Variants in GRIA1 observed in about 807,000 individuals in gnomAD.
GRIA1 encodes glutamate receptor 1.
GRIA1 carries 31 observed loss-of-function variants against 99.2 expected under a neutral mutation model. The observed-to-expected ratio is 0.31, with a 90% CI of 0.23 to 0.42. GRIA1 has a LOEUF of 0.42. GRIA1 is among the 10% of genes least tolerant of loss of function. The pLI is 1.00. For synonymous variants in GRIA1, 438 were observed against 432.4 expected (o/e 1.01, Z -0.16); for missense variants, 782 against 1,157.5 (o/e 0.68, Z 4.71).
chr5:153,664,431 C>T (rs1755597523), intron 5 of GRIA1, among the ~76,000 whole-genome samples: 1 of 152,018 alleles, frequency 6.6e-6, no homozygotes. Flanking sequence ...GGGCAGTAAC[C>T]CTCTGTGGCT....
intron 2 of GRIA1, among the ~76,000 whole-genome samples, chr5:153,599,044 G>A (rs1278921500): frequency 6.6e-6 from 1 of 152,062 alleles, no homozygotes; most frequent in Non-Finnish European, 1.5e-5. Flanking sequence ...ACCACGCCTG[G>A]CTAGTTTTTT....
At chr5:153,672,567 T>G (rs1453774948) in intron 5 of GRIA1, among the ~76,000 whole-genome samples, 3 of 148,542 alleles carry the variant, frequency 2.0e-5, no homozygotes, top group African/African-American at 7.5e-5. Context: ...TTGCTTTGTT[T>G]ATAAAAATAG....
intron 2 of GRIA1, among the ~76,000 whole-genome samples, chr5:153,543,031 T>G (rs1759275149): frequency 6.6e-6 from 1 of 152,222 alleles, no homozygotes; most frequent in South Asian, 2.1e-4. Context: ...CATAAAGCAA[T>G]TAGCATAGAG....
intron 2 of GRIA1, among the ~76,000 whole-genome samples, chr5:153,612,581 C>T (rs183567980): frequency 6.6e-6 from 1 of 152,328 alleles, no homozygotes; most frequent in East Asian, 1.9e-4. Flanking sequence ...ATGGCAACTG[C>T]TGTTATCAGC....
At chr5:153,655,791 A>C in intron 4 of GRIA1, 28 bp from the exon 5 acceptor site, 1 of 1,602,274 alleles carries the variant, frequency 6.2e-7, no homozygotes, top group Non-Finnish European at 8.5e-7. Context: ...AGTATGATTA[A>C]TGAGTCTCCA....
At chr5:153,546,557 G>A (rs1759633710) in intron 2 of GRIA1, among the ~76,000 whole-genome samples, 1 of 152,136 alleles carries the variant, frequency 6.6e-6, no homozygotes, top group Non-Finnish European at 1.5e-5. Flanking sequence ...GGCTCCACAA[G>A]CATCATCTCA....
At position 153,803,845 on chromosome 5, in the gene GRIA1, C is replaced by G. The variant is rs1418771686; in HGVS notation, c.2520+1355C>G. On this transcript the variant is annotated intron_variant, in intron 15 of 15. Coordinates refer to ENST00000285900, the MANE Select transcript of GRIA1 (RefSeq NM_000827.4). ...CCAGCCTCTCCCTGCCTTGGACCCT[C>G]AATCCTACACACACCTCCGGGGTCG... Among the ~76,000 whole-genome samples, 10 of 152,138 alleles carry G rather than the reference C, an allele frequency of 6.6e-5. 1 individual carries two copies. In the East Asian group the frequency reaches 1.7e-3, roughly 26 times the overall value.
At chr5:153,498,562 G>A (rs1754662005) in intron 2 of GRIA1, among the ~76,000 whole-genome samples, 1 of 152,132 alleles carries the variant, frequency 6.6e-6, no homozygotes, top group African/African-American at 2.4e-5. Context: ...GACCTACTGG[G>A]GAAGCCCAGG....
At chr5:153,759,145 A>C (rs1361490347) in intron 11 of GRIA1, among the ~76,000 whole-genome samples, 1 of 150,496 alleles carries the variant, frequency 6.6e-6, no homozygotes, top group Non-Finnish European at 1.5e-5. Flanking sequence ...TTAACAACCT[A>C]GCATTGAACT....
rs1005792337 is a variant in GRIA1, at chr5:153,490,801, G to A, written c.-88G>A. On this transcript the variant is annotated 5_prime_UTR_variant, in exon 1 of 16. Coordinates refer to ENST00000285900, the MANE Select transcript of GRIA1 (RefSeq NM_000827.4). The stretch of plus-strand genomic sequence containing the variant: ...AACTGCAGGAGGAAAAGAACAGGCA[G>A]AACAGCGAGAAGAATAAAGGGAAAG... 14 of 957,626 alleles carry A rather than the reference G, an allele frequency of 1.5e-5. No individual in the cohort carries two copies. The Admixed American group carries it at 2.0e-4, about 14-fold the overall frequency. The allele number at this position is 957,626 out of a possible 1,614,324, so 59.3% of individuals were successfully genotyped here. A position where few individuals can be genotyped will look rare whatever the true frequency, so the allele number is the denominator to read the frequency against.
At chr5:153,568,016 T>C (rs956730645) in intron 2 of GRIA1, among the ~76,000 whole-genome samples, 2 of 152,196 alleles carry the variant, frequency 1.3e-5, no homozygotes, top group Non-Finnish European at 2.9e-5. Context: ...CTTTATTTTA[T>C]TTTGAGTTTT....
At chr5:153,678,156 A>T (rs377572014) in intron 7 of GRIA1, among the ~76,000 whole-genome samples, 1 of 152,218 alleles carries the variant, frequency 6.6e-6, no homozygotes, top group Non-Finnish European at 1.5e-5. Context: ...TTAAGACGAC[A>T]TTCAGCAGAA....
At chr5:153,530,164 C>A (rs574033427) in intron 2 of GRIA1, among the ~76,000 whole-genome samples, 14 of 152,172 alleles carry the variant, frequency 9.2e-5, no homozygotes, top group Non-Finnish European at 1.8e-4. Context: ...TATCATTATA[C>A]CCATCCCATA....
chr5:153,573,146 G>A (rs1242025294), intron 2 of GRIA1: 1 of 152,214 alleles, frequency 6.6e-6, no homozygotes, highest in Admixed American at 6.5e-5. Context: ...GCCAGGACAT[G>A]TATTGTTGAG....
At chr5:153,586,784 T>C (rs1020179827) in intron 2 of GRIA1, among the ~76,000 whole-genome samples, 2 of 152,172 alleles carry the variant, frequency 1.3e-5, no homozygotes, top group Non-Finnish European at 2.9e-5. Flanking sequence ...AAATCTTTCT[T>C]GGATAAGGAA....
intron 12 of GRIA1, among the ~76,000 whole-genome samples, chr5:153,767,326 C>A: frequency 6.6e-6 from 1 of 152,070 alleles, no homozygotes; most frequent in Non-Finnish European, 1.5e-5. Context: ...TGCTACTTGC[C>A]CAACGTCTTT....
At chr5:153,730,183 G>A (rs1256182050) in intron 11 of GRIA1, among the ~76,000 whole-genome samples, 1 of 151,934 alleles carries the variant, frequency 6.6e-6, no homozygotes, top group Non-Finnish European at 1.5e-5. Flanking sequence ...ATAGTTCTGG[G>A]GTGAGGCCTA....
intron 2 of GRIA1, among the ~76,000 whole-genome samples, chr5:153,531,031 C>T (rs908486230): frequency 6.6e-6 from 1 of 152,098 alleles, no homozygotes; most frequent in Non-Finnish European, 1.5e-5. Context: ...TGACAGAGAG[C>T]TGTTGGTCTG....
At chr5:153,645,935 C>T (rs1057034325) in intron 2 of GRIA1, among the ~76,000 whole-genome samples, 1 of 152,208 alleles carries the variant, frequency 6.6e-6, no homozygotes, top group African/African-American at 2.4e-5. Flanking sequence ...TCCTCACCAT[C>T]CACCTTGGAA....
Sources: gnomAD v4.1 joint callset for allele counts (sites outside exome capture counted in the v4.1 genomes callset) on GRCh38, gnomAD v4.1.1 for gene constraint, MANE v1.5 for transcripts, NCBI Gene and HGNC (gene_info 2026-07-23, HGNC 2026-07-21) for gene names.